The following PRIM2 variants were observed in gnomAD, a reference collection of about 807,000 sequenced individuals.
PRIM2 encodes the protein DNA primase subunit 2.
PRIM2 carries 39 observed loss-of-function variants against 67.3 expected under a neutral mutation model. The ratio of observed to expected loss-of-function variants is 0.58; its 90% CI spans 0.45 to 0.76. The LOEUF is 0.76. PRIM2 is among the 30% of genes least tolerant of loss of function. The pLI, the probability that PRIM2 is intolerant of heterozygous loss-of-function variation, is 0.00. For synonymous variants in PRIM2, 143 were observed against 198.7 expected (o/e 0.72, Z 2.36); for missense variants, 398 against 598.7 (o/e 0.66, Z 3.50).
intron 7 of PRIM2, among the ~76,000 whole-genome samples, chr6:57,395,331 A>G (rs953991212): frequency 6.6e-6 from 1 of 152,084 alleles, no homozygotes; most frequent in Non-Finnish European, 1.5e-5. Flanking sequence ...TACCATTTCA[A>G]TCTTGCTCCT....
intron 7 of PRIM2, among the ~76,000 whole-genome samples, chr6:57,464,232 C>T (rs552252071): frequency 2.0e-5 from 3 of 152,052 alleles, no homozygotes; most frequent in Non-Finnish European, 4.4e-5. Flanking sequence ...CTGTAAGCTC[C>T]GAGAATGCAG....
chr6:57,472,937 T>C (rs1191702384), intron 7 of PRIM2, among the ~76,000 whole-genome samples: 1 of 152,218 alleles, frequency 6.6e-6, no homozygotes, highest in Non-Finnish European at 1.5e-5. Context: ...AAGGCAATTA[T>C]ATGCAGGAGG....
chr6:57,418,094 T>TA (rs1190243989), intron 7 of PRIM2, among the ~76,000 whole-genome samples: 3 of 152,134 alleles, frequency 2.0e-5, no homozygotes, highest in Admixed American at 2.0e-4. Context: ...ATAAATGCTT[T>TA]AAAAAATGCC....
At chr6:57,288,698 G>A in the PRIM2 span, among the ~76,000 whole-genome samples, 1 of 152,172 alleles carries the variant, frequency 6.6e-6, no homozygotes, top group Admixed American at 6.5e-5. Flanking sequence ...CAACAGACCT[G>A]CAGCTGAGGG....
chr6:57,267,178 G>T, the PRIM2 span, among the ~76,000 whole-genome samples: 2 of 152,122 alleles, frequency 1.3e-5, no homozygotes, highest in African/African-American at 4.8e-5. Context: ...TACCTAATAG[G>T]TTGATACATG....
At chr6:57,230,351 A>C in the PRIM2 span, among the ~76,000 whole-genome samples, 1 of 152,176 alleles carries the variant, frequency 6.6e-6, no homozygotes, top group South Asian at 2.1e-4. Flanking sequence ...ACTTGGGAGC[A>C]TTCAACCTTC....
intron 7 of PRIM2, among the ~76,000 whole-genome samples, chr6:57,490,629 A>G (rs1421999920): frequency 7.2e-5 from 11 of 152,372 alleles, no homozygotes; most frequent in Middle Eastern, 3.4e-3. Context: ...CAGAGTAGGA[A>G]TATTAGATTG....
chr6:57,529,758 AAAAC>A (rs1214924047), intron 8 of PRIM2, among the ~76,000 whole-genome samples: 31 of 152,290 alleles, frequency 2.0e-4, no homozygotes, highest in African/African-American at 7.0e-4. Flanking sequence ...TAATAGGAGA[AAAAC>A]AAACAAGTTT....
intron 12 of PRIM2, among the ~76,000 whole-genome samples, chr6:57,624,378 A>G (rs1341974161): frequency 1.3e-5 from 2 of 152,176 alleles, no homozygotes; most frequent in Admixed American, 6.6e-5. Context: ...GAAAATCAGT[A>G]TTTTGGGTAG....
At chr6:57,392,782 G>A (rs1170153317) in intron 7 of PRIM2, among the ~76,000 whole-genome samples, 4 of 151,852 alleles carry the variant, frequency 2.6e-5, no homozygotes, top group Admixed American at 1.3e-4. Context: ...CCCATCACCC[G>A]AGCAGTATAC....
At chr6:57,549,362 G>C (rs1775354808) in intron 10 of PRIM2, among the ~76,000 whole-genome samples, 1 of 152,140 alleles carries the variant, frequency 6.6e-6, no homozygotes, top group East Asian at 1.9e-4. Flanking sequence ...ATCAAACCTG[G>C]GTTAGACCCA....
chr6:57,321,261 G>A (rs1767645650), intron 3 of PRIM2, among the ~76,000 whole-genome samples: 1 of 152,192 alleles, frequency 6.6e-6, no homozygotes, highest in African/African-American at 2.4e-5. Context: ...AAAATTAGTG[G>A]ATGGTGGTAA....
At chr6:57,289,603 T>A in the PRIM2 span, among the ~76,000 whole-genome samples, 132 of 152,216 alleles carry the variant, frequency 8.7e-4, 2 homozygotes, top group East Asian at 0.015. Context: ...AAACAGCTGA[T>A]CTCTCGGCAG....
intron 1 of PRIM2, 64 bp from the exon 2 acceptor site, chr6:57,318,373 T>C: frequency 6.9e-7 from 1 of 1,452,402 alleles, no homozygotes; most frequent in Non-Finnish European, 9.2e-7. Context: ...TTTCGTGTTT[T>C]TTCTTTTTTT....
intron 5 of PRIM2, among the ~76,000 whole-genome samples, chr6:57,328,670 G>A (rs533863859): frequency 7.1e-4 from 108 of 152,254 alleles, no homozygotes; most frequent in African/African-American, 2.6e-3. Context: ...CTTTCTCTCA[G>A]GTGTATACCT....
chr6:57,303,489 C>T, the PRIM2 span, among the ~76,000 whole-genome samples: 3 of 152,124 alleles, frequency 2.0e-5, no homozygotes, highest in African/African-American at 7.2e-5. Context: ...ATAGATACTA[C>T]TTGCATACTG....
chr6:57,485,449 A>G (rs1773731532), intron 7 of PRIM2, among the ~76,000 whole-genome samples: 1 of 152,090 alleles, frequency 6.6e-6, no homozygotes, highest in South Asian at 2.1e-4. Context: ...ATCAAGGGGT[A>G]GAGATAGGTC....
At chr6:57,240,091 GTTTTTTT>G in the PRIM2 span, among the ~76,000 whole-genome samples, 4 of 90,006 alleles carry the variant, frequency 4.4e-5, no homozygotes, top group Admixed American at 1.3e-4. Context: ...TCAATAATCT[GTTTTTTT>G]TTTTTTTTTT....
chr6:57,397,914 T>TC (rs1770575373), intron 7 of PRIM2, among the ~76,000 whole-genome samples: 2 of 150,426 alleles, frequency 1.3e-5, no homozygotes, highest in Admixed American at 1.3e-4. Flanking sequence ...TTTTTTTTTT[T>TC]GAGACGGAGT....
Sources: allele counts gnomAD v4.1 joint callset (sites outside exome capture counted in the v4.1 genomes callset), GRCh38; gene constraint gnomAD v4.1.1; transcripts MANE v1.5; gene names NCBI Gene and HGNC (gene_info 2026-07-23, HGNC 2026-07-21).